The following USP25 variants were observed in gnomAD, a reference collection of about 807,000 sequenced individuals.
The protein encoded by USP25 is ubiquitin specific peptidase 25, also known as ubiquitin carboxyl-terminal hydrolase 25.
USP25 carries 85 observed loss-of-function variants against 158.5 expected under a neutral mutation model. That is an observed-to-expected ratio of 0.54 (90% CI 0.45 to 0.64). The LOEUF is 0.64. Ranked by LOEUF, USP25 falls within the 30% of genes least tolerant of loss-of-function variation. The probability of loss-of-function intolerance (pLI) is 0.00; values close to 1 mark genes in which losing one functional copy is unlikely to be tolerated. For synonymous variants in USP25, 464 were observed against 460.4 expected (o/e 1.01, Z -0.10); for missense variants, 1,242 against 1,327.3 (o/e 0.94, Z 1.00).
In USP25 at chr21:15,808,791, G is replaced by A. The variant is rs138218851; in HGVS notation, c.781-18G>A. The A allele has an allele frequency of 4.9e-4, 777 of 1,577,762 alleles. 7 individuals carry two copies. In the African/African-American group the frequency reaches 8.1e-3, roughly 17 times the overall value. On this transcript the variant is annotated intron_variant, in intron 7 of 25. Coordinates refer to ENST00000400183, the MANE Select transcript of USP25 (RefSeq NM_001283041.3). ...TTTTAGTAGGCTCAAATATCAACAG[G>A]CTTTTTTCTTTTCACAGCAAGATGT...
chr21:15,868,977 GCTC>G (rs1167430211), intron 22 of USP25, among the ~76,000 whole-genome samples: 2 of 152,116 alleles, frequency 1.3e-5, no homozygotes, highest in African/African-American at 4.8e-5. Context: ...GGATGTGGTG[GCTC>G]ATGCTTATAA....
intron 9 of USP25, among the ~76,000 whole-genome samples, chr21:15,811,734 C>A (rs1600991732): frequency 1.3e-5 from 2 of 152,188 alleles, no homozygotes; most frequent in East Asian, 1.9e-4. Flanking sequence ...AAGCTAAATA[C>A]CTGTTTCTTA....
Position 15,864,328 on chromosome 21 carries a change from A to AC in USP25, c.2610dup (p.Asp871ArgfsTer22). 1 of 1,612,974 alleles carries AC rather than the reference A, an allele frequency of 6.2e-7. No homozygotes were observed. The highest frequency in any genetic ancestry group is 1.3e-5 in the African/African-American group (1 of 74,966). ...GGCCCAAGAAGACACCCCACCAGAAACCGATTATCGTTTACATCATGTAGT... is the reference window on the plus strand; with the variant it reads ...GGCCCAAGAAGACACCCCACCAGAAACCCGATTATCGTTTACATCATGTAGT... On this transcript the variant is annotated frameshift_variant, in exon 21 of 26. Transcript: ENST00000400183. LOFTEE classifies it high-confidence loss of function.
At chr21:15,832,960 G>C (rs764488004) in intron 16 of USP25, among the ~76,000 whole-genome samples, 3 of 152,126 alleles carry the variant, frequency 2.0e-5, no homozygotes, top group Admixed American at 6.5e-5. Flanking sequence ...GGAGGTTGCA[G>C]TGAGCCGAGA....
intron 14 of USP25, 62 bp from the exon 15 acceptor site, chr21:15,830,469 C>T (rs1601059032): frequency 2.1e-6 from 3 of 1,431,724 alleles, no homozygotes; most frequent in Non-Finnish European, 1.9e-6. Context: ...AAACATTAGT[C>T]CTTATCTTAT....
intron 18 of USP25, among the ~76,000 whole-genome samples, chr21:15,845,973 C>T (rs1465278728): frequency 6.6e-6 from 1 of 151,318 alleles, no homozygotes; most frequent in African/African-American, 2.4e-5. Flanking sequence ...TTTTATAGAA[C>T]AGCCGTTACA....
intron 5 of USP25, among the ~76,000 whole-genome samples, chr21:15,798,595 A>G (rs184718730): frequency 2.4e-3 from 360 of 151,348 alleles, no homozygotes; most frequent in African/African-American, 8.3e-3. Context: ...GGCAGAGACT[A>G]CCTTCTTAGT....
In USP25 at chr21:15,842,535, C is replaced by T; in HGVS notation, c.2332C>T (p.Gln778Ter). Residue 778 changes from glutamine (Q) to a stop codon, truncating the protein, a stop_gained, in exon 18 of 26, where the codon CAG (glutamine) becomes TAG (stop). Transcript: ENST00000400183. LOFTEE classifies it high-confidence loss of function. ...AGATAAAAGTCCTGAAACAGTTTTG[C>T]AGTCGGTAAGAACTTTTCTTTTGGC... ...HEDKSPETVL[Q>*]SKPENTTSQP... The T allele has an allele frequency of 6.2e-7, 1 of 1,613,150 alleles. No homozygotes were observed.
At chr21:15,865,626 A>T (rs940553737) in intron 21 of USP25, among the ~76,000 whole-genome samples, 1 of 152,196 alleles carries the variant, frequency 6.6e-6, no homozygotes, top group African/African-American at 2.4e-5. Flanking sequence ...CTATCAGTGT[A>T]CTGAGTTCCA....
intron 1 of USP25, among the ~76,000 whole-genome samples, chr21:15,753,794 C>A (rs1699915387): frequency 6.6e-6 from 1 of 151,740 alleles, no homozygotes; most frequent in Non-Finnish European, 1.5e-5. Flanking sequence ...CAGGAGAAAA[C>A]CCATTTTAAT....
intron 5 of USP25, among the ~76,000 whole-genome samples, chr21:15,794,282 A>T (rs1387415292): frequency 2.0e-5 from 3 of 151,664 alleles, no homozygotes; most frequent in African/African-American, 7.3e-5. Flanking sequence ...AGAAAGGGGG[A>T]ACAGAATGTA....
At chr21:15,782,895 G>C (rs1014613924) in intron 4 of USP25, among the ~76,000 whole-genome samples, 1 of 152,118 alleles carries the variant, frequency 6.6e-6, no homozygotes, top group Non-Finnish European at 1.5e-5. Flanking sequence ...TGCATCTTTA[G>C]TAATGGAATC....
rs143101232 is a variant in USP25 at position 15,772,049 on chromosome 21, T to G, written c.269-5855T>G. On this transcript the variant is annotated intron_variant, in intron 3 of 25. Transcript: ENST00000400183. ...TGGGCCAACTAGGCTTTTGTGAACT[T>G]ACTTAGAAACCTGAGGTTCAAGTAA... 2.0e-4 allele frequency among the ~76,000 whole-genome samples: 30 copies of G among 152,286 alleles called. No homozygotes were observed. In the East Asian group the frequency reaches 5.8e-3, roughly 29 times the overall value.
At chr21:15,871,382 A>T (rs1834949101) in intron 23 of USP25, among the ~76,000 whole-genome samples, 1 of 152,212 alleles carries the variant, frequency 6.6e-6, no homozygotes, top group Admixed American at 6.5e-5. Context: ...ATTTGAGAAA[A>T]ATAATGTGAT....
chr21:15,824,804 C>T (rs372148722), intron 11 of USP25, among the ~76,000 whole-genome samples, 162 bp from the exon 12 acceptor site: 35 of 152,282 alleles, frequency 2.3e-4, no homozygotes, highest in African/African-American at 6.5e-4. Flanking sequence ...TTAGTAGAGA[C>T]GAGATTTCAC....
chr21:15,732,591 G>A (rs1285363129), intron 1 of USP25, among the ~76,000 whole-genome samples: 2 of 152,150 alleles, frequency 1.3e-5, no homozygotes, highest in Non-Finnish European at 2.9e-5. Context: ...ATATTGCATA[G>A]CCAACATTTT....
intron 9 of USP25, among the ~76,000 whole-genome samples, chr21:15,813,974 G>A (rs1381142726): frequency 6.6e-6 from 1 of 151,574 alleles, no homozygotes; most frequent in Non-Finnish European, 1.5e-5. Context: ...GTGTGTTGTG[G>A]GAGGGACCCA....
At chr21:15,743,496 A>G (rs967484859) in intron 1 of USP25, among the ~76,000 whole-genome samples, 1 of 152,212 alleles carries the variant, frequency 6.6e-6, no homozygotes, top group Non-Finnish European at 1.5e-5. Flanking sequence ...GCTGGTAGCC[A>G]TCTTTGCAGT....
chr21:15,836,030 C>CA (rs1402117894), intron 17 of USP25, among the ~76,000 whole-genome samples: 2 of 152,102 alleles, frequency 1.3e-5, no homozygotes, highest in East Asian at 3.9e-4. Context: ...TGATTCTTCT[C>CA]ATGGTTTTCA....
Sources: allele counts gnomAD v4.1 joint callset (sites outside exome capture counted in the v4.1 genomes callset), GRCh38; gene constraint gnomAD v4.1.1; transcripts MANE v1.5; gene names NCBI Gene and HGNC (gene_info 2026-07-23, HGNC 2026-07-21).